UBR3: variants seen among roughly 807,000 people sequenced by gnomAD.
The protein encoded by UBR3 is ubiquitin protein ligase E3 component n-recognin 3.
Under a neutral mutation model 243.2 loss-of-function variants are expected in UBR3, and 85 were observed. The observed-to-expected ratio is 0.35, with a 90% CI of 0.29 to 0.42. The LOEUF (loss-of-function observed/expected upper bound fraction) is 0.42, where lower values mean the gene tolerates loss of function less well. Among genes scored for constraint, UBR3 ranks in the 10% least tolerant of loss-of-function variants. The probability of loss-of-function intolerance (pLI) is 1.00; values close to 1 mark genes in which losing one functional copy is unlikely to be tolerated. For missense variants in UBR3, 1,686 were observed against 2,300.8 expected (o/e 0.73, Z 5.47); for synonymous variants, 748 against 799.8 (o/e 0.94, Z 1.09).
At chr2:169,958,092 CT>C (rs34380993) in intron 23 of UBR3, among the ~76,000 whole-genome samples, 65,477 of 152,028 alleles carry the variant, frequency 0.43, 15,457 homozygotes, top group Non-Finnish European at 0.54. Flanking sequence ...TTGTTAGTCT[CT>C]TGCTAAAAAA....
At chr2:169,954,571 T>C (rs1421488700) in intron 23 of UBR3, among the ~76,000 whole-genome samples, 2 of 74,166 alleles carry the variant, frequency 2.7e-5, no homozygotes, top group Non-Finnish European at 6.3e-5. Context: ...GTTACTTACC[T>C]TTTTTTTTTT....
chr2:169,958,613 C>T, intron 24 of UBR3, 87 bp downstream of exon 24: 1 of 1,170,280 alleles, frequency 8.5e-7, no homozygotes, highest in Non-Finnish European at 1.2e-6. Context: ...TAATTTAAAA[C>T]ATTACACACT....
chr2:169,857,067 T>TTGTTG (rs1341607975), intron 1 of UBR3, among the ~76,000 whole-genome samples: 1 of 69,062 alleles, frequency 1.4e-5, no homozygotes, highest in Non-Finnish European at 2.5e-5. Context: ...TTATTATGTT[T>TTGTTG]TTTTTTTTTT....
At chr2:170,065,966 C>T (rs1190561793) in intron 35 of UBR3, among the ~76,000 whole-genome samples, 3 of 143,092 alleles carry the variant, frequency 2.1e-5, no homozygotes, top group East Asian at 2.3e-4. Flanking sequence ...CTACGTATCC[C>T]GTGCCTTTTT....
chr2:170,071,022 C>A (rs1218174882), intron 35 of UBR3, among the ~76,000 whole-genome samples: 2 of 152,122 alleles, frequency 1.3e-5, no homozygotes, highest in South Asian at 2.1e-4. Context: ...TGAAAAGATA[C>A]TCAACATCCT....
At chr2:170,037,175 T>G (rs1432023875) in intron 31 of UBR3, among the ~76,000 whole-genome samples, 1 of 152,162 alleles carries the variant, frequency 6.6e-6, no homozygotes, top group Admixed American at 6.6e-5. Flanking sequence ...TAGGCCTGAT[T>G]AGGAGCTTTC....
intron 37 of UBR3, 24 bp from the exon 38 acceptor site, chr2:170,080,521 A>C: frequency 6.4e-7 from 1 of 1,557,250 alleles, no homozygotes; most frequent in Middle Eastern, 1.7e-4. Flanking sequence ...TATGAAGTTC[A>C]TTAATATATT....
In UBR3 at chr2:169,949,858, A is replaced by G; in HGVS notation, c.3338A>G (p.Asp1113Gly). ...AACTCCTACTATCCTCCTTGGCTTGATGACATAGAAATTTTAATCCAACCA... is the reference window on the plus strand; with the variant it reads ...AACTCCTACTATCCTCCTTGGCTTGGTGACATAGAAATTTTAATCCAACCA... ...KQNSYYPPWLDDIEILIQPEI... is the reference protein window; with the variant it reads ...KQNSYYPPWLGDIEILIQPEI... The change falls in exon 23 of 39, where the codon GAT becomes GGT. Residue 1113 changes from aspartate to glycine, a missense_variant. Around this residue, in one of 8 missense-constraint regions of UBR3, gnomAD observed 300 missense variants for 314.4 expected, o/e 0.95. Coordinates refer to ENST00000272793, the MANE Select transcript of UBR3 (RefSeq NM_172070.4). The G allele has an allele frequency of 6.3e-7, 1 of 1,590,306 alleles. No individual in the cohort carries two copies. Among genetic ancestry groups the G allele is most frequent in the Middle Eastern group, 1.7e-4 (1 of 6,044 alleles).
At position 170,057,789 on chromosome 2, in the gene UBR3, TATAA is replaced by T. The variant is rs1410880939; in HGVS notation, c.4785+2209_4785+2212del. On this transcript the variant is annotated intron_variant, in intron 33 of 38. Coordinates refer to ENST00000272793, the MANE Select transcript of UBR3 (RefSeq NM_172070.4). ...TTAGAAGTATATTGGCTTATAGCCA[TATAA>T]ATATATATTAGTGTATTAGTTTATA... Among the ~76,000 whole-genome samples, 6 of 152,226 alleles carry T rather than the reference TATAA, an allele frequency of 3.9e-5. No individual in the cohort carries two copies. The East Asian group carries it at 1.2e-3, about 29-fold the overall frequency.
intron 1 of UBR3, among the ~76,000 whole-genome samples, chr2:169,831,075 C>G (rs1346006953): frequency 7.1e-6 from 1 of 140,534 alleles, no homozygotes; most frequent in Non-Finnish European, 1.5e-5. Context: ...GTATTATTTT[C>G]CCAGTCTGGC....
intron 36 of UBR3, among the ~76,000 whole-genome samples, chr2:170,078,618 G>A (rs1156726625): frequency 6.6e-6 from 1 of 152,134 alleles, no homozygotes; most frequent in African/African-American, 2.4e-5. Flanking sequence ...AATCAGTTTT[G>A]TAGTTCATGA....
intron 8 of UBR3, among the ~76,000 whole-genome samples, chr2:169,897,433 A>ATATATATGTATATGTGTGTATATATG (rs1167273975): frequency 6.6e-6 from 1 of 151,920 alleles, no homozygotes; most frequent in Non-Finnish European, 1.5e-5. Context: ...CTTAAATTCT[A>ATATATATGTATATGTGTGTATATATG]TATATATGTA....
intron 24 of UBR3, among the ~76,000 whole-genome samples, chr2:169,977,767 C>T (rs1049248257): frequency 6.6e-6 from 1 of 152,212 alleles, no homozygotes; most frequent in Non-Finnish European, 1.5e-5. Context: ...CACAGACACA[C>T]CCAGAAACAA....
chr2:169,966,251 G>T (rs944431067), intron 24 of UBR3, among the ~76,000 whole-genome samples: 4 of 152,092 alleles, frequency 2.6e-5, no homozygotes, highest in Admixed American at 1.3e-4. Flanking sequence ...ATTAAGATTT[G>T]TCCGGTTTGT....
intron 32 of UBR3, among the ~76,000 whole-genome samples, chr2:170,052,325 A>G (rs1483210010): frequency 7.9e-5 from 12 of 152,222 alleles, no homozygotes; most frequent in Admixed American, 7.9e-4. Flanking sequence ...CTACTGTATC[A>G]TCCAGTAGTC....
intron 30 of UBR3, among the ~76,000 whole-genome samples, chr2:170,022,592 G>C (rs2105416867): frequency 6.6e-6 from 1 of 152,112 alleles, no homozygotes; most frequent in Non-Finnish European, 1.5e-5. Flanking sequence ...ACCTCATTGT[G>C]GAAGTGAGGA....
intron 30 of UBR3, among the ~76,000 whole-genome samples, chr2:170,022,194 C>T (rs1050700240): frequency 2.0e-5 from 3 of 152,216 alleles, no homozygotes; most frequent in Non-Finnish European, 2.9e-5. Flanking sequence ...GGCTTCTAGT[C>T]CCTGAAACCT....
intron 2 of UBR3, among the ~76,000 whole-genome samples, chr2:169,873,935 GA>G (rs2083512539): frequency 6.6e-6 from 1 of 152,090 alleles, no homozygotes; most frequent in South Asian, 2.1e-4. Flanking sequence ...TTAGTTTAAT[GA>G]AAGAGTACTT....
At chr2:170,018,415 C>T (rs1249171877) in intron 30 of UBR3, among the ~76,000 whole-genome samples, 1 of 152,092 alleles carries the variant, frequency 6.6e-6, no homozygotes, top group African/African-American at 2.4e-5. Flanking sequence ...GCATAGCTGC[C>T]GATTCCTGGG....
Sources: gnomAD v4.1 joint callset for allele counts (sites outside exome capture counted in the v4.1 genomes callset) on GRCh38, gnomAD v4.1.1 for gene constraint, gnomAD v4.1.1 regional missense constraint, MANE v1.5 for transcripts, NCBI Gene and HGNC (gene_info 2026-07-23, HGNC 2026-07-21) for gene names.